TIAM1: variants seen among roughly 807,000 people sequenced by gnomAD.
TIAM1 encodes rho guanine nucleotide exchange factor TIAM1.
Under a neutral mutation model 163.5 loss-of-function variants are expected in TIAM1, and 65 were observed. That is an observed-to-expected ratio of 0.40 (90% confidence interval 0.33 to 0.49). The LOEUF (loss-of-function observed/expected upper bound fraction) is 0.49. TIAM1 is among the 20% of genes least tolerant of loss of function. The pLI is 0.77. For synonymous variants in TIAM1, 833 were observed against 810.1 expected, an observed-to-expected ratio of 1.03 and a Z score of -0.48; for missense variants, 1,789 against 2,044.7, an observed-to-expected ratio of 0.87 and a Z score of 2.41.
intron 13 of TIAM1, among the ~76,000 whole-genome samples, chr21:31,190,785 T>C (rs1305913556): frequency 6.6e-6 from 1 of 152,190 alleles, no homozygotes; most frequent in Non-Finnish European, 1.5e-5. Flanking sequence ...AGAAATTAAG[T>C]AAATGTTCCC....
At chr21:31,160,357 T>G in intron 16 of TIAM1, 1 of 398,176 alleles carries the variant, frequency 2.5e-6, no homozygotes, top group East Asian at 3.6e-5. Flanking sequence ...GTGTAATCAC[T>G]GTCATTCGGA....
chr21:31,416,487 C>A (rs1885379193), intron 2 of TIAM1, among the ~76,000 whole-genome samples: 1 of 152,128 alleles, frequency 6.6e-6, no homozygotes, highest in Non-Finnish European at 1.5e-5. Flanking sequence ...AACCTTTCCC[C>A]CTGAGTCCCC....
At chr21:31,474,701 A>G (rs540693881) in intron 1 of TIAM1, among the ~76,000 whole-genome samples, 70 of 152,052 alleles carry the variant, frequency 4.6e-4, no homozygotes, top group African/African-American at 1.5e-3. Flanking sequence ...ATGCACCACC[A>G]TGCCCGGCTA....
intron 2 of TIAM1, among the ~76,000 whole-genome samples, chr21:31,292,457 C>T (rs2074060131): frequency 6.6e-6 from 1 of 151,398 alleles, no homozygotes. Flanking sequence ...GCAGCCTCTG[C>T]CTCCCGGGTT....
intron 2 of TIAM1, among the ~76,000 whole-genome samples, chr21:31,461,017 G>C (rs2045305272): frequency 6.6e-6 from 1 of 152,006 alleles, no homozygotes; most frequent in South Asian, 2.1e-4. Context: ...TCCATTTAGG[G>C]GGAAAAAATA....
intron 2 of TIAM1, among the ~76,000 whole-genome samples, chr21:31,407,613 G>A (rs1247575709): frequency 1.3e-5 from 2 of 148,684 alleles, no homozygotes; most frequent in Non-Finnish European, 3.0e-5. Flanking sequence ...CTTTTCAAAT[G>A]AGTCATTTGC....
chr21:31,346,971 GTTAC>G (rs1481010933), upstream of TIAM1, among the ~76,000 whole-genome samples: 3 of 151,934 alleles, frequency 2.0e-5, no homozygotes, highest in East Asian at 1.9e-4. Flanking sequence ...GCTTTTTGTT[GTTAC>G]TTAGTGTTTC....
intron 2 of TIAM1, among the ~76,000 whole-genome samples, chr21:31,397,917 G>A (rs2077099877): frequency 6.6e-6 from 1 of 152,124 alleles, no homozygotes; most frequent in African/African-American, 2.4e-5. Flanking sequence ...CTGCTACCTT[G>A]TAGAATGGAT....
intron 15 of TIAM1, among the ~76,000 whole-genome samples, chr21:31,173,926 C>T (rs1279214189): frequency 6.6e-6 from 1 of 152,164 alleles, no homozygotes; most frequent in African/African-American, 2.4e-5. Flanking sequence ...TTACCCCGCC[C>T]CCGGCCATAG....
At chr21:31,249,640 G>A (rs182551286) in intron 5 of TIAM1, among the ~76,000 whole-genome samples, 15 of 152,240 alleles carry the variant, frequency 9.9e-5, no homozygotes, top group East Asian at 3.9e-4. Context: ...GGGGAGAAGC[G>A]GGAAGTGGAA....
chr21:31,155,336 A>G (rs1003328017), intron 16 of TIAM1, among the ~76,000 whole-genome samples: 3 of 152,222 alleles, frequency 2.0e-5, no homozygotes, highest in African/African-American at 7.2e-5. Flanking sequence ...CCCGATGCCC[A>G]TGCACACCAG....
intron 6 of TIAM1, among the ~76,000 whole-genome samples, chr21:31,237,581 C>T (rs961409636): frequency 2.6e-5 from 4 of 152,172 alleles, no homozygotes; most frequent in African/African-American, 9.7e-5. Context: ...AACTTAATGG[C>T]ATATGAGTCT....
intron 2 of TIAM1, among the ~76,000 whole-genome samples, chr21:31,385,442 C>G (rs572581785): frequency 1.3e-5 from 2 of 152,120 alleles, no homozygotes; most frequent in Admixed American, 1.3e-4. Flanking sequence ...AGGGTGGGGT[C>G]AAGGGTCCCA....
intron 1 of TIAM1, among the ~76,000 whole-genome samples, chr21:31,468,765 G>A (rs1156913648): frequency 6.6e-6 from 1 of 151,924 alleles, no homozygotes; most frequent in Non-Finnish European, 1.5e-5. Context: ...GACAGAGCGA[G>A]ACTCCATCTC....
chr21:31,387,268 G>A (rs983605288), intron 2 of TIAM1, among the ~76,000 whole-genome samples: 1 of 141,870 alleles, frequency 7.0e-6, no homozygotes, highest in African/African-American at 2.7e-5. Context: ...TGTCGTCCAG[G>A]CTGGAGTGCA....
At chr21:31,440,300 A>G (rs746475140) in intron 2 of TIAM1, among the ~76,000 whole-genome samples, 1 of 152,174 alleles carries the variant, frequency 6.6e-6, no homozygotes. Flanking sequence ...GCTTTCCCTT[A>G]TAATTTCAGT....
At chr21:31,505,288 C>T (rs898821134) in intron 1 of TIAM1, among the ~76,000 whole-genome samples, 1 of 152,180 alleles carries the variant, frequency 6.6e-6, no homozygotes, top group Admixed American at 6.5e-5. Flanking sequence ...AAAAGCTTAG[C>T]TCTCTACAGG....
intron 1 of TIAM1, among the ~76,000 whole-genome samples, chr21:31,469,858 C>T (rs1028887576): frequency 1.0e-4 from 15 of 144,250 alleles, no homozygotes; most frequent in African/African-American, 3.6e-4. Context: ...AAAAAAAAAT[C>T]AATTTTCTAT....
chr21:31,249,823 G>A (rs2071696624), intron 5 of TIAM1, among the ~76,000 whole-genome samples: 1 of 152,138 alleles, frequency 6.6e-6, no homozygotes, highest in Admixed American at 6.6e-5. Flanking sequence ...GCACATCTAT[G>A]TCTCATAGGC....
Sources: allele counts gnomAD v4.1 joint callset (sites outside exome capture counted in the v4.1 genomes callset), GRCh38; gene constraint gnomAD v4.1.1; transcripts MANE v1.5; gene names NCBI Gene and HGNC (gene_info 2026-07-23, HGNC 2026-07-21).